DLGAP1: variants seen among roughly 807,000 people sequenced by gnomAD.
DLGAP1 encodes the protein DLG associated protein 1.
DLGAP1 carries 11 observed loss-of-function variants against 90.8 expected under a neutral mutation model. The observed-to-expected ratio is 0.12, with a 90% CI of 0.08 to 0.20. The LOEUF (loss-of-function observed/expected upper bound fraction) is 0.20, where lower values mean the gene tolerates loss of function less well. DLGAP1 is among the 10% of genes least tolerant of loss of function. DLGAP1 has a pLI of 1.00. For synonymous variants in DLGAP1, 558 were observed against 540.7 expected, an observed-to-expected ratio of 1.03 and a Z score of -0.44; for missense variants, 1,050 against 1,333.8, an observed-to-expected ratio of 0.79 and a Z score of 3.31.
chr18:3,654,987 G>A (rs554364203), intron 7 of DLGAP1, among the ~76,000 whole-genome samples: 1 of 151,412 alleles, frequency 6.6e-6, no homozygotes, highest in East Asian at 1.9e-4. Context: ...CCCTTACTTT[G>A]GATTTGCCAG....
intron 3 of DLGAP1, among the ~76,000 whole-genome samples, chr18:3,893,859 C>T (rs2071546013): frequency 6.6e-6 from 1 of 152,034 alleles, no homozygotes; most frequent in Non-Finnish European, 1.5e-5. Flanking sequence ...TTTCTCATTT[C>T]TCCATATCCT....
chr18:3,718,048 C>T (rs1452811735), intron 7 of DLGAP1, among the ~76,000 whole-genome samples: 1 of 152,148 alleles, frequency 6.6e-6, no homozygotes, highest in Non-Finnish European at 1.5e-5. Flanking sequence ...AACAGCTCTT[C>T]ATGTTTCAGG....
chr18:4,391,563 C>T (rs943950982), intron 1 of DLGAP1, among the ~76,000 whole-genome samples: 1 of 152,082 alleles, frequency 6.6e-6, no homozygotes, highest in Non-Finnish European at 1.5e-5. Flanking sequence ...GGTGAAGATC[C>T]CCTTAGCTTG....
intron 7 of DLGAP1, among the ~76,000 whole-genome samples, chr18:3,696,455 C>T (rs1310157287): frequency 6.6e-6 from 1 of 152,110 alleles, no homozygotes; most frequent in Non-Finnish European, 1.5e-5. Flanking sequence ...TTGAAATAAT[C>T]GTGTGTTTTT....
chr18:3,861,270 T>A (rs2070036097), intron 4 of DLGAP1, among the ~76,000 whole-genome samples: 1 of 152,208 alleles, frequency 6.6e-6, no homozygotes, highest in African/African-American at 2.4e-5. Flanking sequence ...TCCACAATAA[T>A]AATTCTTTAA....
intron 1 of DLGAP1, among the ~76,000 whole-genome samples, chr18:4,252,056 C>G (rs185518539): frequency 6.6e-6 from 1 of 152,306 alleles, no homozygotes; most frequent in East Asian, 1.9e-4. Context: ...AGGCACCTGC[C>G]ACCAAAAAGA....
chr18:4,076,993 G>A (rs12456993), intron 2 of DLGAP1, among the ~76,000 whole-genome samples: 7 of 152,146 alleles, frequency 4.6e-5, no homozygotes, highest in Admixed American at 1.3e-4. Flanking sequence ...TTGTTACTTC[G>A]CAAGGCTGAG....
rs187435051 is a variant in DLGAP1 at position 3,857,317 on chromosome 18, C to T, written c.957+21795G>A. The stretch of plus-strand genomic sequence containing the variant: ...TGGTATTATTCAAAATGGTAAAAAG[C>T]TGTTTAAAAATTCAAATGACAATGA... On this transcript the variant is annotated intron_variant, in intron 4 of 12. Transcript: ENST00000315677. 7.9e-5 allele frequency among the ~76,000 whole-genome samples: 12 copies of T among 152,088 alleles called. No individual in the cohort carries two copies. In the East Asian group the frequency reaches 2.3e-3, roughly 29 times the overall value.
At chr18:4,358,952 T>G (rs1410149449) in intron 1 of DLGAP1, among the ~76,000 whole-genome samples, 17 of 152,250 alleles carry the variant, frequency 1.1e-4, no homozygotes. Context: ...TTAACTCTTT[T>G]GTCTCCTTCT....
intron 7 of DLGAP1, among the ~76,000 whole-genome samples, chr18:3,638,227 G>C (rs941231009): frequency 3.3e-5 from 5 of 150,006 alleles, no homozygotes; most frequent in Non-Finnish European, 7.4e-5. Flanking sequence ...GATTACAGGC[G>C]TGAGCCACCG....
intron 7 of DLGAP1, among the ~76,000 whole-genome samples, chr18:3,725,772 G>A (rs768752692): frequency 7.9e-5 from 12 of 152,114 alleles, no homozygotes; most frequent in East Asian, 7.7e-4. Flanking sequence ...TTTAAGTTCC[G>A]TAACTTCATC....
intron 1 of DLGAP1, among the ~76,000 whole-genome samples, chr18:4,261,780 T>C (rs780527152): frequency 1.8e-4 from 28 of 152,118 alleles, no homozygotes; most frequent in Non-Finnish European, 3.2e-4. Flanking sequence ...TGCTAAAAGG[T>C]AAATGAACTT....
chr18:4,121,593 TCC>T (rs924452192), intron 2 of DLGAP1, among the ~76,000 whole-genome samples: 2 of 151,984 alleles, frequency 1.3e-5, no homozygotes, highest in African/African-American at 4.8e-5. Flanking sequence ...TTAGCCAGAA[TCC>T]CCCTTACTCC....
chr18:4,068,463 C>G (rs1422511310), intron 2 of DLGAP1, among the ~76,000 whole-genome samples: 4 of 151,720 alleles, frequency 2.6e-5, no homozygotes, highest in Admixed American at 2.6e-4. Context: ...GAAACCATAA[C>G]TTTAGTCTTC....
intron 7 of DLGAP1, among the ~76,000 whole-genome samples, chr18:3,696,566 A>T (rs753484998): frequency 5.9e-5 from 9 of 152,194 alleles, no homozygotes; most frequent in Non-Finnish European, 1.3e-4. Flanking sequence ...CGTGGTGGAT[A>T]AGCTTTTTGA....
intron 3 of DLGAP1, among the ~76,000 whole-genome samples, chr18:3,907,701 G>T (rs2071940518): frequency 6.6e-6 from 1 of 152,148 alleles, no homozygotes; most frequent in Admixed American, 6.5e-5. Flanking sequence ...CAAGATCAAA[G>T]GCTGTGGAAG....
At chr18:3,635,919 T>C (rs1216187061) in intron 7 of DLGAP1, among the ~76,000 whole-genome samples, 1 of 151,518 alleles carries the variant, frequency 6.6e-6, no homozygotes, top group African/African-American at 2.4e-5. Context: ...GCCTTCTGAG[T>C]TGTATTTTGA....
At chr18:4,224,309 T>G (rs616398) in intron 1 of DLGAP1, among the ~76,000 whole-genome samples, 4,543 of 152,296 alleles carry the variant, frequency 0.03, 234 homozygotes, top group African/African-American at 0.1. Context: ...GAGAGACCCC[T>G]TCTTCTTGAG....
intron 3 of DLGAP1, among the ~76,000 whole-genome samples, chr18:3,987,838 T>C (rs368721484): frequency 2.4e-4 from 36 of 152,322 alleles, no homozygotes; most frequent in African/African-American, 8.7e-4. Flanking sequence ...TGCTATACTT[T>C]ATAAATTATA....
Sources: gnomAD v4.1 joint callset for allele counts (sites outside exome capture counted in the v4.1 genomes callset) on GRCh38, gnomAD v4.1.1 for gene constraint, MANE v1.5 for transcripts, NCBI Gene and HGNC (gene_info 2026-07-23, HGNC 2026-07-21) for gene names.